The following CSTPP1 variants were observed in gnomAD, a reference collection of about 807,000 sequenced individuals.
CSTPP1 encodes the protein UPF0705 protein C11orf49.
chr11:47,106,095 C>T, the CSTPP1 span, among the ~76,000 whole-genome samples: 6 of 152,106 alleles, frequency 3.9e-5, no homozygotes, highest in Non-Finnish European at 8.8e-5. Context: ...CACACTAGTT[C>T]CTTTTATGAT....
chr11:47,155,272 C>T, the CSTPP1 span: 36 of 1,609,242 alleles, frequency 2.2e-5, no homozygotes, highest in African/African-American at 2.7e-5. Context: ...GTGAGTGTTC[C>T]GGGGCTCCAT....
chr11:47,035,522 A>G, the CSTPP1 span, among the ~76,000 whole-genome samples: 1 of 152,264 alleles, frequency 6.6e-6, no homozygotes, highest in Middle Eastern at 3.2e-3. Context: ...CAATAGCAAC[A>G]GGAGTTGGCT....
At chr11:47,014,567 G>T in the CSTPP1 span, among the ~76,000 whole-genome samples, 1 of 151,956 alleles carries the variant, frequency 6.6e-6, no homozygotes, top group African/African-American at 2.4e-5. Flanking sequence ...GCCAGGCGTG[G>T]TGGTGCATGA....
At chr11:47,066,099 T>TG in the CSTPP1 span, among the ~76,000 whole-genome samples, 4 of 7,452 alleles carry the variant, frequency 5.4e-4, no homozygotes, top group African/African-American at 1.4e-3. Flanking sequence ...GTGGGTTTTT[T>TG]TTTTTTTTTT....
At chr11:47,157,992 C>T in the CSTPP1 span, 1 of 1,367,682 alleles carries the variant, frequency 7.3e-7, no homozygotes, top group Non-Finnish European at 1.0e-6. Flanking sequence ...CCTCTGTTAG[C>T]AACACGGCTC....
chr11:46,974,803 T>C, the CSTPP1 span, among the ~76,000 whole-genome samples: 1 of 149,094 alleles, frequency 6.7e-6, no homozygotes, highest in East Asian at 2.0e-4. Context: ...TGCAGTGAGC[T>C]GAGATCATGC....
At chr11:46,968,301 A>G in the CSTPP1 span, among the ~76,000 whole-genome samples, 2 of 149,524 alleles carry the variant, frequency 1.3e-5, no homozygotes, top group Admixed American at 6.7e-5. Flanking sequence ...AAAAATGTAA[A>G]CATCCCTCAA....
At chr11:47,112,415 G>C in the CSTPP1 span, among the ~76,000 whole-genome samples, 1 of 152,030 alleles carries the variant, frequency 6.6e-6, no homozygotes, top group Non-Finnish European at 1.5e-5. Context: ...TCTGCCTCCT[G>C]GGTTCAAGCG....
At chr11:46,945,627 A>T in the CSTPP1 span, among the ~76,000 whole-genome samples, 1 of 152,082 alleles carries the variant, frequency 6.6e-6, no homozygotes, top group African/African-American at 2.4e-5. Context: ...AATAATAATA[A>T]TAAATAAATA....
the CSTPP1 span, among the ~76,000 whole-genome samples, chr11:47,109,777 T>C: frequency 6.6e-6 from 1 of 152,194 alleles, no homozygotes; most frequent in Non-Finnish European, 1.5e-5. Flanking sequence ...CTCCAGTAAT[T>C]GGTAAGGCTT....
the CSTPP1 span, among the ~76,000 whole-genome samples, chr11:46,959,992 G>A: frequency 1.3e-5 from 2 of 150,938 alleles, no homozygotes; most frequent in Non-Finnish European, 2.9e-5. Flanking sequence ...TTAGCTTCCC[G>A]AGTAGCTGGG....
At chr11:46,955,315 TA>T in the CSTPP1 span, among the ~76,000 whole-genome samples, 1 of 151,928 alleles carries the variant, frequency 6.6e-6, no homozygotes, top group African/African-American at 2.4e-5. Context: ...TAAAAGTAAG[TA>T]GGTTTGATCC....
chr11:46,976,818 C>T, the CSTPP1 span, among the ~76,000 whole-genome samples: 2 of 152,076 alleles, frequency 1.3e-5, no homozygotes, highest in African/African-American at 4.8e-5. Context: ...CCCTGTGGAA[C>T]CCGAATCTAC....
the CSTPP1 span, among the ~76,000 whole-genome samples, chr11:46,961,687 A>G: frequency 0.061 from 9,224 of 152,236 alleles, 363 homozygotes; most frequent in Middle Eastern, 0.092. Context: ...TTTTATTCTA[A>G]GAGTTTTATA....
At chr11:47,114,463 G>A in the CSTPP1 span, among the ~76,000 whole-genome samples, 5 of 151,976 alleles carry the variant, frequency 3.3e-5, no homozygotes, top group Non-Finnish European at 7.4e-5. Flanking sequence ...CTATCCATGA[G>A]CATGGAATAT....
the CSTPP1 span, among the ~76,000 whole-genome samples, chr11:47,062,333 A>G: frequency 2.6e-5 from 4 of 152,190 alleles, no homozygotes; most frequent in African/African-American, 9.7e-5. Flanking sequence ...ACCTTTTCCC[A>G]GTAATGATAC....
the CSTPP1 span, among the ~76,000 whole-genome samples, chr11:47,146,484 C>A: frequency 6.6e-6 from 1 of 151,660 alleles, no homozygotes; most frequent in Non-Finnish European, 1.5e-5. Context: ...TAGTAATAAA[C>A]CTTTGGGCAT....
the CSTPP1 span, among the ~76,000 whole-genome samples, chr11:47,115,993 G>A: frequency 2.6e-5 from 4 of 152,102 alleles, no homozygotes; most frequent in African/African-American, 9.7e-5. Flanking sequence ...CTTTAAATGT[G>A]TCAGAGATTC....
chr11:47,033,617 G>A, the CSTPP1 span, among the ~76,000 whole-genome samples: 5 of 152,108 alleles, frequency 3.3e-5, no homozygotes, highest in African/African-American at 9.7e-5. Context: ...TGGCTCTGTC[G>A]TAAATCCTGT....
Sources: allele counts gnomAD v4.1 joint callset (sites outside exome capture counted in the v4.1 genomes callset), GRCh38; gene constraint gnomAD v4.1.1; transcripts MANE v1.5; gene names NCBI Gene and HGNC (gene_info 2026-07-23, HGNC 2026-07-21).